The following POU2F1 variants were observed in gnomAD, a reference collection of about 807,000 sequenced individuals.
The protein encoded by POU2F1 is POU domain, class 2, transcription factor 1.
A neutral mutation model predicts 84.9 loss-of-function variants in POU2F1; 16 were observed. That is an observed-to-expected ratio of 0.19 (90% CI 0.13 to 0.29). The LOEUF (loss-of-function observed/expected upper bound fraction) is 0.29. Among genes scored for constraint, POU2F1 ranks in the 10% least tolerant of loss-of-function variants. POU2F1 has a pLI of 1.00. For missense variants in POU2F1, 738 were observed against 942.6 expected (o/e 0.78, Z 2.84); for synonymous variants, 368 against 368.3 (o/e 1.00, Z 0.01).
At chr1:167,383,989 T>A in intron 8 of POU2F1, 38 bp downstream of exon 8, 1 of 1,522,130 alleles carries the variant, frequency 6.6e-7, no homozygotes. Context: ...TCTCTTATCA[T>A]ATTGTTTGGG....
At chr1:167,297,454 A>G (rs1654361885) in intron 1 of POU2F1, among the ~76,000 whole-genome samples, 2 of 152,360 alleles carry the variant, frequency 1.3e-5, no homozygotes, top group Middle Eastern at 3.4e-3. Context: ...AGCAGCAGCC[A>G]GGGAAATATG....
In POU2F1 at chr1:167,261,687, T is replaced by G. The variant is rs139932055; in HGVS notation, c.61+40729T>G. On this transcript the variant is annotated intron_variant, in intron 1 of 15. Coordinates refer to ENST00000367866, the MANE Select transcript of POU2F1 (RefSeq NM_002697.4). ...ATTCAATTTAGGATTTGATTTTGTT[T>G]TTTGTTTTTTAAGACAGAGTCTTGC... Among the ~76,000 whole-genome samples the G allele has an allele frequency of 3.1e-3, 472 of 152,316 alleles. 7 individuals are homozygous for G. The highest frequency in any genetic ancestry group is 0.011 in the African/African-American group (461 of 41,580).
intron 1 of POU2F1, among the ~76,000 whole-genome samples, chr1:167,243,355 G>C (rs1212521210): frequency 1.3e-5 from 2 of 152,320 alleles, no homozygotes; most frequent in Admixed American, 1.3e-4. Context: ...GTATATAATT[G>C]CTGAGCACGT....
intron 15 of POU2F1, chr1:167,414,520 A>C: frequency 1.0e-6 from 1 of 985,208 alleles, no homozygotes; most frequent in Non-Finnish European, 1.2e-6. Flanking sequence ...TACATGTAGG[A>C]GTGAGGTTAT....
chr1:167,348,125 C>T (rs1658318468), intron 2 of POU2F1, among the ~76,000 whole-genome samples: 1 of 152,150 alleles, frequency 6.6e-6, no homozygotes, highest in East Asian at 1.9e-4. Flanking sequence ...GTTTCACAAA[C>T]GAAGATGGTA....
At chr1:167,355,505 C>T (rs766488913) in intron 2 of POU2F1, among the ~76,000 whole-genome samples, 3 of 152,124 alleles carry the variant, frequency 2.0e-5, no homozygotes, top group Non-Finnish European at 4.4e-5. Flanking sequence ...TTAGAATCAA[C>T]TTGTTAAGTT....
intron 13 of POU2F1, among the ~76,000 whole-genome samples, chr1:167,410,352 G>A (rs1415008583): frequency 6.6e-6 from 1 of 152,094 alleles, no homozygotes; most frequent in Non-Finnish European, 1.5e-5. Context: ...ACTGAAGAGT[G>A]GAAGTGAGAG....
rs1648413233 is a variant in POU2F1 at position 167,391,596 on chromosome 1, G to A, written c.987+1835G>A. ...TTTTTTTTTTTTTTTTTGAGACAGG[G>A]CCTTGGTCTGTCACCCAGGCTGGAG... On this transcript the variant is annotated intron_variant, in intron 9 of 15. Coordinates refer to ENST00000367866, the MANE Select transcript of POU2F1 (RefSeq NM_002697.4). Among the ~76,000 whole-genome samples the A allele has an allele frequency of 3.1e-5, 4 of 129,614 alleles. No individual in the cohort carries two copies. In the South Asian group the frequency reaches 9.7e-4, roughly 32 times the overall value. 85.0% of individuals were successfully genotyped at this position (129,614 alleles called of 152,430 possible).
At position 167,419,030 on chromosome 1, in the gene POU2F1, TC is replaced by T. The variant is rs748396128; in HGVS notation, c.*3221del. The T allele has an allele frequency of 5.9e-5, 9 of 152,238 alleles. No individual in the cohort carries two copies. Among genetic ancestry groups the T allele is most frequent in the Non-Finnish European group, 1.2e-4 (8 of 68,050 alleles). The allele number at this position is 152,238 out of a possible 1,614,324, so 9.4% of individuals were successfully genotyped here. A position where few individuals can be genotyped will look rare whatever the true frequency, so the allele number is the denominator to read the frequency against. On this transcript the variant is annotated 3_prime_UTR_variant, in exon 16 of 16. Coordinates refer to ENST00000367866, the MANE Select transcript of POU2F1 (RefSeq NM_002697.4). Reference sequence around the variant, plus strand: ...TTTTTGGTGGTTGTTTAGTTTAAAATCAACTCCCTATCCATCATCCCTAGAT... The same window carrying T: ...TTTTTGGTGGTTGTTTAGTTTAAAATAACTCCCTATCCATCATCCCTAGAT...
chr1:167,381,085 T>G (rs1224914456), intron 7 of POU2F1: 1 of 152,116 alleles, frequency 6.6e-6, no homozygotes, highest in Non-Finnish European at 1.5e-5. Flanking sequence ...AGCGTTTTTT[T>G]TTTGTTGTTG....
chr1:167,338,153 G>T (rs1657595151), intron 2 of POU2F1: 1 of 467,496 alleles, frequency 2.1e-6, no homozygotes, highest in African/African-American at 2.0e-5. Flanking sequence ...TTTGTCTTCT[G>T]CCATTTCTGA....
At chr1:167,272,745 G>C (rs1652463837) in intron 1 of POU2F1, among the ~76,000 whole-genome samples, 1 of 152,102 alleles carries the variant, frequency 6.6e-6, no homozygotes, top group Non-Finnish European at 1.5e-5. Flanking sequence ...CAACATCGAG[G>C]ATTACAATTT....
intron 1 of POU2F1, among the ~76,000 whole-genome samples, chr1:167,310,196 A>G (rs561572106): frequency 1.6e-4 from 24 of 152,294 alleles, no homozygotes; most frequent in South Asian, 8.3e-4. Context: ...AGAGGGGAAG[A>G]AAGGGGAATA....
chr1:167,398,595 G>A (rs1648974971), intron 11 of POU2F1, among the ~76,000 whole-genome samples: 1 of 152,206 alleles, frequency 6.6e-6, no homozygotes. Flanking sequence ...TAGAGACCTT[G>A]AGTGTTAGGC....
At position 167,372,040 on chromosome 1, in the gene POU2F1, A is replaced by C. The variant is rs375155883; in HGVS notation, c.402+4A>C. 6.2e-7 allele frequency: 1 copy of C among 1,609,534 alleles called. No individual in the cohort carries two copies. Among genetic ancestry groups the C allele is most frequent in the Non-Finnish European group, 8.5e-7 (1 of 1,178,198 alleles). ...AGCTGGAGGACAGATAACTGGGGTA[A>C]GTGTTCACTGAGAGAATTATAACAA... On this transcript the variant is annotated splice_donor_region_variant and intron_variant, in intron 5 of 15. Coordinates refer to ENST00000367866, the MANE Select transcript of POU2F1 (RefSeq NM_002697.4).
At chr1:167,377,476 A>G (rs1660411314) in intron 7 of POU2F1, among the ~76,000 whole-genome samples, 1 of 152,122 alleles carries the variant, frequency 6.6e-6, no homozygotes, top group Non-Finnish European at 1.5e-5. Flanking sequence ...AGTCCCAGCT[A>G]CTCAGGAGGC....
At chr1:167,352,414 A>G (rs1383214659) in intron 2 of POU2F1, among the ~76,000 whole-genome samples, 1 of 152,194 alleles carries the variant, frequency 6.6e-6, no homozygotes, top group Admixed American at 6.5e-5. Flanking sequence ...TATGAGCCTG[A>G]TCATGGCCTC....
chr1:167,323,774 C>A (rs920611296), intron 1 of POU2F1, among the ~76,000 whole-genome samples: 4 of 152,162 alleles, frequency 2.6e-5, no homozygotes, highest in African/African-American at 2.4e-5. Context: ...CTCAATGCAA[C>A]CTCCGCCTCC....
rs753986921 is a variant in POU2F1, at chr1:167,376,102, C to A, written c.665C>A (p.Thr222Asn). The change falls in exon 7 of 16, where the codon ACC (threonine) becomes AAC (asparagine). Residue 222 changes from threonine (T) to asparagine (N), a missense_variant. By Grantham distance (65) the Thr-to-Asn change is moderately conservative (BLOSUM62 0). Transcript: ENST00000367866. ...LQQFVLVHPT[T>N]NLQPAQFIIS... ...CAGTTTGTGTTGGTGCATCCAACCA[C>A]CAATTTGCAGCCAGCGCAGTTTATC... 2.5e-6 allele frequency: 4 copies of A among 1,614,078 alleles called. No homozygotes were observed. In the African/African-American group the frequency reaches 5.3e-5, roughly 22 times the overall value.
Sources: gnomAD v4.1 joint callset for allele counts (sites outside exome capture counted in the v4.1 genomes callset) on GRCh38, gnomAD v4.1.1 for gene constraint, MANE v1.5 for transcripts, NCBI Gene and HGNC (gene_info 2026-07-23, HGNC 2026-07-21) for gene names.